RELN: variants seen among roughly 807,000 people sequenced by gnomAD.
RELN encodes the protein reelin.
Under a neutral mutation model 427.6 loss-of-function variants are expected in RELN, and 108 were observed. The observed-to-expected ratio is 0.25, with a 90% CI of 0.22 to 0.30. RELN has a LOEUF of 0.30. RELN is among the 10% of genes least tolerant of loss of function. RELN has a pLI of 1.00. For synonymous variants in RELN, 1,524 were observed against 1,513.4 expected, an observed-to-expected ratio of 1.01 and a Z score of -0.16; for missense variants, 3,715 against 4,302.8, an observed-to-expected ratio of 0.86 and a Z score of 3.82.
At chr7:103,642,307 T>A (rs950263985) in intron 16 of RELN, among the ~76,000 whole-genome samples, 10 of 150,910 alleles carry the variant, frequency 6.6e-5, no homozygotes, top group Non-Finnish European at 1.2e-4. Context: ...TTCTGTGACA[T>A]AATTCTAGAA....
chr7:103,868,629 C>T (rs1029775419), intron 2 of RELN, among the ~76,000 whole-genome samples: 2 of 151,840 alleles, frequency 1.3e-5, no homozygotes, highest in African/African-American at 2.4e-5. Flanking sequence ...TTTTTTTGCC[C>T]GGTATGCTAT....
In RELN at chr7:103,574,157, A is replaced by C; in HGVS notation, c.4446T>G (p.Ser1482=). 6.2e-7 allele frequency: 1 copy of C among 1,614,172 alleles called. No homozygotes were observed. Among genetic ancestry groups the C allele is most frequent in the Non-Finnish European group, 8.5e-7 (1 of 1,180,016 alleles). ...TGCGTLNDGK[S]LYFNGPGKRE... is the part of the protein sequence containing the mutation. ...TTTTCCCAGGGCCATTGAAGTAGAG[A>C]GATTTGCCATCGTTAAGTGTTCCAC... Residue 1482 remains serine, a synonymous_variant, in exon 30 of 65, where the codon TCT becomes TCG. Coordinates refer to ENST00000428762, the MANE Select transcript of RELN (RefSeq NM_005045.4).
chr7:103,503,091 G>GAAAC lies in RELN; in HGVS notation c.8410_8413dup (p.Ser2805CysfsTer11). ...AGTTGGAAAGAATACAGATGGCTGA[G>GAAAC]AAACACTTCCAGAGCATTTTGGGTC... On this transcript the variant is annotated frameshift_variant, in exon 52 of 65. Coordinates refer to ENST00000428762, the MANE Select transcript of RELN (RefSeq NM_005045.4). LOFTEE classifies it high-confidence loss of function. 6.2e-7 allele frequency: 1 copy of GAAAC among 1,614,190 alleles called. No individual in the cohort carries two copies. The highest frequency in any genetic ancestry group is 8.5e-7 in the Non-Finnish European group (1 of 1,180,042).
At position 103,731,330 on chromosome 7, in the gene RELN, G is replaced by A. The variant is rs116142157; in HGVS notation, c.657-3123C>T. ...AACTGTTAGTTCAGTGGGTCAGTAT[G>A]ATGGAACCACATTGGTCCATGCAGA... On this transcript the variant is annotated intron_variant, in intron 6 of 64. Coordinates refer to ENST00000428762, the MANE Select transcript of RELN (RefSeq NM_005045.4). 3.2e-3 allele frequency among the ~76,000 whole-genome samples: 489 copies of A among 152,208 alleles called. 2 individuals are homozygous for A. Among genetic ancestry groups the A allele is most frequent in the African/African-American group, 0.012 (479 of 41,550 alleles).
chr7:103,603,131 GAAC>G lies in RELN; in HGVS notation c.3333+170_3333+172del, dbSNP rs1179100149. Among the ~76,000 whole-genome samples the G allele has an allele frequency of 2.0e-5, 3 of 152,140 alleles. No individual in the cohort carries two copies. The highest frequency in any genetic ancestry group is 4.4e-5 in the Non-Finnish European group (3 of 68,020). On this transcript the variant is annotated intron_variant, in intron 24 of 64. Transcript: ENST00000428762. This position sits in a 1 kb window ranked among gnomAD's most constrained non-coding sequence, Gnocchi z 4.3. ...TAGTAACCAAAAAGAGTAATAAAAA[GAAC>G]AACAAGAATTTCCCAAGACATAGCT...
chr7:103,654,532 T>G (rs1286457293), intron 12 of RELN, among the ~76,000 whole-genome samples: 1 of 152,082 alleles, frequency 6.6e-6, no homozygotes, highest in African/African-American at 2.4e-5. Flanking sequence ...TTTAATAAAC[T>G]GTTATTTCCT....
At chr7:103,610,306 A>C (rs1404499294) in intron 22 of RELN, among the ~76,000 whole-genome samples, 1 of 152,196 alleles carries the variant, frequency 6.6e-6, no homozygotes, top group African/African-American at 2.4e-5. Flanking sequence ...ATACAAAAGT[A>C]AGGGTTTGCA....
At chr7:103,951,086 C>T (rs1201071366) in intron 1 of RELN, among the ~76,000 whole-genome samples, 3 of 152,128 alleles carry the variant, frequency 2.0e-5, no homozygotes, top group South Asian at 2.1e-4. Context: ...CCTGCCACCA[C>T]GCCCAGCTAA....
intron 2 of RELN, among the ~76,000 whole-genome samples, chr7:103,913,352 G>A (rs1563087623): frequency 6.6e-6 from 1 of 152,092 alleles, no homozygotes; most frequent in Admixed American, 6.6e-5. Context: ...GCTTTACTCT[G>A]CCTTATTTGT....
At chr7:103,802,298 A>C (rs748491938) in intron 3 of RELN, among the ~76,000 whole-genome samples, 1 of 152,180 alleles carries the variant, frequency 6.6e-6, no homozygotes, top group Non-Finnish European at 1.5e-5. Flanking sequence ...TTTCAATGCC[A>C]AAGTAGAATT....
chr7:103,610,572 A>T, intron 22 of RELN, 123 bp downstream of exon 22: 1 of 702,764 alleles, frequency 1.4e-6, no homozygotes. Flanking sequence ...AAGAATAAAC[A>T]TCATGCTATT....
Position 103,472,410 on chromosome 7 carries a change from A to G in RELN, c.*402T>C, listed in dbSNP as rs752225296. The stretch of plus-strand genomic sequence containing the variant: ...AATTTAATCATATAAAACATGAGAC[A>G]TAGCCGAAATACAGTCCACTTAAAT... On this transcript the variant is annotated 3_prime_UTR_variant, in exon 65 of 65. Transcript: ENST00000428762. 6 of 250,322 alleles carry G rather than the reference A, an allele frequency of 2.4e-5. No homozygotes were observed. Among genetic ancestry groups the G allele is most frequent in the Non-Finnish European group, 3.9e-5 (5 of 127,686 alleles). 15.5% of individuals were successfully genotyped at this position (250,322 alleles called of 1,614,324 possible).
intron 10 of RELN, among the ~76,000 whole-genome samples, chr7:103,694,172 A>C (rs923161771): frequency 2.0e-5 from 3 of 152,166 alleles, no homozygotes; most frequent in Admixed American, 2.0e-4. Context: ...TTTAACCTAC[A>C]GCCAGAGAGT....
At chr7:103,961,510 G>A (rs191721027) in intron 1 of RELN, among the ~76,000 whole-genome samples, 2 of 152,276 alleles carry the variant, frequency 1.3e-5, no homozygotes, top group Non-Finnish European at 2.9e-5. Context: ...TAATTTACTC[G>A]TGCATAATGG....
intron 2 of RELN, among the ~76,000 whole-genome samples, chr7:103,913,070 C>T (rs934462438): frequency 2.0e-5 from 3 of 152,226 alleles, no homozygotes; most frequent in Non-Finnish European, 4.4e-5. Context: ...ATTGTCTTAA[C>T]GTATTTCTGG....
rs117496730 is a variant in RELN, at chr7:103,586,609, A to T, written c.4145+2987T>A. ...GAAATCAAATTATTTCTGTTCACTG[A>T]TGACATGATCTTATACCTAGAAAAC... On this transcript the variant is annotated intron_variant, in intron 28 of 64. Coordinates refer to ENST00000428762, the MANE Select transcript of RELN (RefSeq NM_005045.4). 3.9e-5 allele frequency among the ~76,000 whole-genome samples: 6 copies of T among 152,304 alleles called. No homozygotes were observed. The East Asian group carries it at 7.7e-4, about 20-fold the overall frequency.
intron 10 of RELN, among the ~76,000 whole-genome samples, chr7:103,683,399 T>C (rs1045836385): frequency 6.6e-6 from 1 of 152,202 alleles, no homozygotes; most frequent in Non-Finnish European, 1.5e-5. Flanking sequence ...TAAAAGAAGA[T>C]AAATTTATTG....
At chr7:103,938,147 C>A (rs538275656) in intron 1 of RELN, among the ~76,000 whole-genome samples, 2 of 151,942 alleles carry the variant, frequency 1.3e-5, no homozygotes, top group Non-Finnish European at 1.5e-5. Flanking sequence ...ATGGTAAAAC[C>A]CTGTCTCTAC....
chr7:103,565,201 A>T (rs879122792), intron 34 of RELN, 77 bp downstream of exon 34: 6 of 1,502,328 alleles, frequency 4.0e-6, no homozygotes, highest in Non-Finnish European at 5.6e-6. Context: ...TAGAATCCCC[A>T]GGCCGAATCA....
Sources: gnomAD v4.1 joint callset for allele counts (sites outside exome capture counted in the v4.1 genomes callset) on GRCh38, gnomAD v4.1.1 for gene constraint, Gnocchi (gnomAD v3.1) non-coding constraint, MANE v1.5 for transcripts, NCBI Gene and HGNC (gene_info 2026-07-23, HGNC 2026-07-21) for gene names.